Variants in DRAP1 observed in about 807,000 individuals in gnomAD.
DRAP1 encodes DR1 associated protein 1.
A neutral mutation model predicts 24.1 loss-of-function variants in DRAP1; 10 were observed. That is an observed-to-expected ratio of 0.41 (90% CI 0.26 to 0.70). The LOEUF (loss-of-function observed/expected upper bound fraction) is 0.70. Among genes scored for constraint, DRAP1 ranks in the 30% least tolerant of loss-of-function variants. DRAP1 has a pLI of 0.29. For missense variants in DRAP1, 264 were observed against 275.6 expected (o/e 0.96, Z 0.30); for synonymous variants, 122 against 113.8 (o/e 1.07, Z -0.46).
chr11:65,919,865 G>C lies in DRAP1; in HGVS notation c.115+13G>C. On this transcript the variant is annotated intron_variant, in intron 2 of 6. Coordinates refer to ENST00000312515, the MANE Select transcript of DRAP1 (RefSeq NM_006442.4). ...CCTGTCATCATCTGTATCCTGCCGG[G>C]GGCGGACCGGGTCGAGGGGCGTGGG... The C allele has an allele frequency of 6.2e-7, 1 of 1,613,238 alleles. No individual in the cohort carries two copies. Among genetic ancestry groups the C allele is most frequent in the Non-Finnish European group, 8.5e-7 (1 of 1,179,944 alleles).
At chr11:65,920,826 C>T (rs1854541322) in intron 5 of DRAP1, 58 bp from the exon 6 acceptor site, 1 of 1,541,336 alleles carries the variant, frequency 6.5e-7, no homozygotes, top group Non-Finnish European at 8.8e-7. Flanking sequence ...GTCCCTGCCA[C>T]TCCCAGTGAT....
Position 65,920,595 on chromosome 11 carries a change from G to A in DRAP1, c.356G>A (p.Arg119Gln), listed in dbSNP as rs1373398145. The A allele has an allele frequency of 1.9e-6, 3 of 1,576,316 alleles. No homozygotes were observed. Among genetic ancestry groups the A allele is most frequent in the Middle Eastern group, 1.7e-4 (1 of 5,930 alleles). ...GGCCGGAAGCCAGGCAGCGGCGGCC[G>A]GAAGAACGGTGGGATGGGAACGAAA... Reference protein sequence around the residue: ...RRGRKPGSGGRKNGGMGTKSK... With the variant: ...RRGRKPGSGGQKNGGMGTKSK... The change falls in exon 5 of 7, where the codon CGG becomes CAG. Residue 119 changes from arginine (R) to glutamine (Q), a missense_variant. By Grantham distance (43) the Arg-to-Gln change is conservative (BLOSUM62 1). Around this residue, in one of 2 missense-constraint regions of DRAP1, gnomAD observed 243 missense variants for 233.6 expected, o/e 1.04. Coordinates refer to ENST00000312515, the MANE Select transcript of DRAP1 (RefSeq NM_006442.4).
intron 6 of DRAP1, 108 bp downstream of exon 6, chr11:65,921,080 G>A (rs1854544976): frequency 1.2e-6 from 1 of 856,964 alleles, no homozygotes; most frequent in Non-Finnish European, 1.8e-6. Context: ...AGATTTGTGG[G>A]GTGGAAGGAG....
chr11:65,919,878 C>G (rs1272609284), intron 2 of DRAP1, 26 bp downstream of exon 2: 1 of 1,613,288 alleles, frequency 6.2e-7, no homozygotes, highest in Non-Finnish European at 8.5e-7. Context: ...CGGACCGGGT[C>G]GAGGGGCGTG....
intron 5 of DRAP1, 47 bp downstream of exon 5, chr11:65,920,709 G>T: frequency 6.8e-7 from 1 of 1,460,468 alleles, no homozygotes; most frequent in Non-Finnish European, 9.1e-7. Context: ...GATGGGACAG[G>T]CAGCCTCGCC....
At chr11:65,920,287 G>T in intron 3 of DRAP1, 56 bp from the exon 4 acceptor site, 2 of 1,608,732 alleles carry the variant, frequency 1.2e-6, no homozygotes. Context: ...GCCACCCACT[G>T]CGGGTTTGGG....
chr11:65,921,155 G>C (rs1413182780), intron 6 of DRAP1, 175 bp from the exon 7 acceptor site: 2 of 678,656 alleles, frequency 2.9e-6, no homozygotes, highest in Admixed American at 6.1e-5. Flanking sequence ...CACCCTGCCA[G>C]GGCCCGTGGG....
rs1235915971 is a variant in DRAP1 at position 65,919,970 on chromosome 11, A to G, written c.138A>G (p.Leu46=). ...VIISRALELF[L]ESLLKKACQV... is the part of the protein sequence containing the mutation. ...CAGCCCGGGCGCTCGAGCTCTTCCT[A>G]GAGTCGCTGTTGAAGAAGGCCTGCC... is the stretch of plus-strand genomic sequence containing the variant. The change falls in exon 3 of 7, where the codon CTA becomes CTG. Residue 46 remains leucine (L), a synonymous_variant. Transcript: ENST00000312515. 6 of 1,613,686 alleles carry G rather than the reference A, an allele frequency of 3.7e-6. No homozygotes were observed. In the African/African-American group the frequency reaches 4.0e-5, roughly 11 times the overall value.
Position 65,920,398 on chromosome 11 carries a change from T to G in DRAP1, c.265T>G (p.Ser89Ala), listed in dbSNP as rs753337480. 18 of 1,614,104 alleles carry G rather than the reference T, an allele frequency of 1.1e-5. No individual in the cohort carries two copies. The South Asian group carries it at 1.8e-4, about 16-fold the overall frequency. The stretch of plus-strand genomic sequence containing the variant: ...TGACTTCTTGAAGGACCTGGTGGCA[T>G]CTGTTCCCGACATGCAGGGGGACGG... ...QFDFLKDLVA[S>A]VPDMQGDGED... The change falls in exon 4 of 7, where the codon TCT (serine) becomes GCT (alanine). Residue 89 changes from serine to alanine, a missense_variant. Transcript: ENST00000312515.
chr11:65,920,749 C>T (rs1043994575), intron 5 of DRAP1, 87 bp downstream of exon 5: 2 of 1,428,838 alleles, frequency 1.4e-6, no homozygotes, highest in Admixed American at 5.2e-5. Flanking sequence ...GGCCAGCTCT[C>T]ATCCTTTTCT....
chr11:65,920,047 C>G lies in DRAP1; in HGVS notation c.209+6C>G, dbSNP rs1005076716. 4.3e-6 allele frequency: 7 copies of G among 1,612,338 alleles called. No individual in the cohort carries two copies. The highest frequency in any genetic ancestry group is 2.7e-5 in the African/African-American group (2 of 74,906). On this transcript the variant is annotated splice_donor_region_variant and intron_variant, in intron 3 of 6. Coordinates refer to ENST00000312515, the MANE Select transcript of DRAP1 (RefSeq NM_006442.4). The stretch of plus-strand genomic sequence containing the variant: ...ACCATGACCACATCCCACCTGTGAG[C>G]GGCGAGGAGCCGGGAGGGGCCGGCG...
chr11:65,921,324 C>T lies in DRAP1; in HGVS notation c.513-6C>T, dbSNP rs767505257. ...GCCTGACTCTCTCCTGCCTTCTGCC[C>T]TGCAGCCCCCCGACACCCTTCCTGC... is the stretch of plus-strand genomic sequence containing the variant. On this transcript the variant is annotated splice_polypyrimidine_tract_variant and splice_region_variant and intron_variant, in intron 6 of 6. Transcript: ENST00000312515. The T allele has an allele frequency of 1.9e-6, 3 of 1,578,862 alleles. No individual in the cohort carries two copies. The highest frequency in any genetic ancestry group is 2.6e-6 in the Non-Finnish European group (3 of 1,149,528).
intron 1 of DRAP1, 110 bp downstream of exon 1, chr11:65,919,653 C>G: frequency 6.6e-7 from 1 of 1,520,818 alleles, no homozygotes; most frequent in Non-Finnish European, 8.9e-7. Context: ...CTGGACGCCC[C>G]GCCCCCTCCA....
chr11:65,919,625 G>A (rs1466409835), intron 1 of DRAP1, 82 bp downstream of exon 1: 2 of 1,538,776 alleles, frequency 1.3e-6, no homozygotes, highest in African/African-American at 1.4e-5. Flanking sequence ...AGGCGGGCGC[G>A]CCGCGGTGTT....
chr11:65,919,673 C>G, intron 1 of DRAP1, 107 bp from the exon 2 acceptor site: 1 of 1,525,934 alleles, frequency 6.6e-7, no homozygotes, highest in Admixed American at 2.0e-5. Flanking sequence ...ATGCCCTCCC[C>G]GCGTCCGTGT....
At position 65,920,934 on chromosome 11, in the gene DRAP1, C is replaced by A. The variant is rs946922503; in HGVS notation, c.474C>A (p.Pro158=). The change falls in exon 6 of 7, where the codon CCC becomes CCA. Residue 158 remains proline (P), a synonymous_variant. Transcript: ENST00000312515. ...DTDGEEETSQ[P]PPQASHPSAH... ...ATGGGGAAGAGGAGACATCACAACC[C>A]CCACCCCAGGCCAGCCACCCCTCTG... 7 of 1,613,262 alleles carry A rather than the reference C, an allele frequency of 4.3e-6. No individual in the cohort carries two copies. The African/African-American group carries it at 6.7e-5, about 15-fold the overall frequency.
At chr11:65,920,207 G>A in intron 3 of DRAP1, 136 bp from the exon 4 acceptor site, 1 of 1,474,148 alleles carries the variant, frequency 6.8e-7, no homozygotes, top group East Asian at 2.4e-5. Context: ...GGAGCCACCT[G>A]AGTAAAGCAG....
Position 65,921,497 on chromosome 11 carries a change from G to A in DRAP1, c.*62G>A. 1.4e-6 allele frequency: 1 copy of A among 738,140 alleles called. No individual in the cohort carries two copies. Among genetic ancestry groups the A allele is most frequent in the Non-Finnish European group, 2.3e-6 (1 of 429,146 alleles). 45.7% of individuals were successfully genotyped at this position (738,140 alleles called of 1,614,324 possible). ...GGTTTTAGTTGCTCTGGGGGGAGGA[G>A]AGAAGGTAGAGCTGTTCTTAAATTT... is the stretch of plus-strand genomic sequence containing the variant. On this transcript the variant is annotated 3_prime_UTR_variant, in exon 7 of 7. Transcript: ENST00000312515.
intron 5 of DRAP1, 93 bp downstream of exon 5, chr11:65,920,755 T>G (rs1854540280): frequency 6.9e-7 from 1 of 1,445,740 alleles, no homozygotes; most frequent in Non-Finnish European, 9.2e-7. Flanking sequence ...CTCTCATCCT[T>G]TTCTGCAACC....
Sources: allele counts gnomAD v4.1 joint callset, GRCh38; gene constraint gnomAD v4.1.1; regional missense constraint gnomAD v4.1.1; transcripts MANE v1.5; gene names NCBI Gene and HGNC (gene_info 2026-07-23, HGNC 2026-07-21).